The following CDH4 variants were observed in gnomAD, a reference collection of about 807,000 sequenced individuals.
The protein encoded by CDH4 is cadherin-4.
In CDH4, 33 loss-of-function variants were observed where a neutral mutation model predicts 86.0. The ratio of observed to expected loss-of-function variants is 0.38; its 90% confidence interval spans 0.29 to 0.51. CDH4 has a LOEUF of 0.51. Ranked by LOEUF, CDH4 falls within the 20% of genes least tolerant of loss-of-function variation. CDH4 has a pLI of 0.86. For missense variants in CDH4, 1,114 were observed against 1,307.4 expected (o/e 0.85, Z 2.28); for synonymous variants, 555 against 549.4 (o/e 1.01, Z -0.14).
intron 8 of CDH4, among the ~76,000 whole-genome samples, chr20:61,895,337 G>A (rs952387776): frequency 2.6e-5 from 4 of 152,254 alleles, no homozygotes; most frequent in African/African-American, 9.6e-5. Flanking sequence ...TACTGCCTGG[G>A]CTGATGTCAC....
rs567350462 is a variant in CDH4 at position 61,284,955 on chromosome 20, C to G, written c.169+30018C>G. The stretch of plus-strand genomic sequence containing the variant: ...AACTTTATTTACAACAGGCTGCAGC[C>G]AGATTGGGCCTTGAGCTGTGGTTTG... On this transcript the variant is annotated intron_variant, in intron 2 of 15. Coordinates refer to ENST00000614565, the MANE Select transcript of CDH4 (RefSeq NM_001794.5). Among the ~76,000 whole-genome samples the G allele has an allele frequency of 7.2e-5, 11 of 152,326 alleles. No homozygotes were observed. The East Asian group carries it at 1.7e-3, about 24-fold the overall frequency.
chr20:61,492,119 C>T (rs1272842513), intron 2 of CDH4, among the ~76,000 whole-genome samples: 3 of 134,554 alleles, frequency 2.2e-5, no homozygotes, highest in Middle Eastern at 5.3e-3. Context: ...TTGGTGGTGT[C>T]GATATTGTTA....
chr20:61,537,748 C>G (rs1386823551), intron 2 of CDH4, among the ~76,000 whole-genome samples: 2 of 152,166 alleles, frequency 1.3e-5, no homozygotes, highest in Non-Finnish European at 2.9e-5. Flanking sequence ...TGGGAGTTAA[C>G]AAGCCGGGTC....
In CDH4 at chr20:61,252,422, TCGGAGCGGCGGCGGTGGTCTCGGCGGC is replaced by T; in HGVS notation, c.-91_-65del. 2.0e-6 allele frequency: 1 copy of T among 497,950 alleles called. No homozygotes were observed. Among genetic ancestry groups the T allele is most frequent in the African/African-American group, 2.4e-5 (1 of 41,150 alleles). The allele number at this position is 497,950 out of a possible 1,614,324, so 30.8% of individuals were successfully genotyped here. Reference sequence around the variant, plus strand: ...GGGGGAGCGGCGGCGGCGGCGGCGATCGGAGCGGCGGCGGTGGTCTCGGCGGCGGCGGCGGCGGCGGCGGCAGGGAGC... The same window carrying T: ...GGGGGAGCGGCGGCGGCGGCGGCGATGGCGGCGGCGGCGGCGGCAGGGAGC... On this transcript the variant is annotated 5_prime_UTR_variant, in exon 1 of 16. The change creates a new upstream start codon in the 5' untranslated region. Transcript: ENST00000614565. The surrounding 1 kb of genome is among the most constrained non-coding windows in gnomAD (Gnocchi z 4.4).
rs772236837 is a variant in CDH4 at position 61,517,485 on chromosome 20, A to T, written c.170-226078A>T. On this transcript the variant is annotated intron_variant, in intron 2 of 15. Transcript: ENST00000614565. This position sits in a 1 kb window ranked among gnomAD's most constrained non-coding sequence, Gnocchi z 6.6. ...GCTGGGATTGCAGGTATGAGCCACCATGCCTGGCCTATAGACTTTTGTGTC... is the reference window on the plus strand; with the variant it reads ...GCTGGGATTGCAGGTATGAGCCACCTTGCCTGGCCTATAGACTTTTGTGTC... Among the ~76,000 whole-genome samples the T allele has an allele frequency of 4.6e-5, 7 of 152,178 alleles. No individual in the cohort carries two copies. The highest frequency in any genetic ancestry group is 1.0e-4 in the Non-Finnish European group (7 of 68,044).
chr20:61,367,973 C>G (rs774898517), intron 2 of CDH4, among the ~76,000 whole-genome samples: 1 of 149,104 alleles, frequency 6.7e-6, no homozygotes, highest in African/African-American at 2.5e-5. Flanking sequence ...TGGGTTCAAG[C>G]AATTCTCCTT....
chr20:61,689,258 T>C (rs369738880), intron 2 of CDH4, among the ~76,000 whole-genome samples: 2,342 of 48,800 alleles, frequency 0.048, 76 homozygotes, highest in East Asian at 0.18. Context: ...GATGTGGAAT[T>C]GGGCTGGGAC....
chr20:61,838,115 G>C (rs978061829), intron 4 of CDH4, among the ~76,000 whole-genome samples: 1 of 150,372 alleles, frequency 6.7e-6, no homozygotes, highest in East Asian at 2.0e-4. Context: ...TCCCTACGCA[G>C]CTGGGTGACT....
chr20:61,298,252 G>A (rs971168938), intron 2 of CDH4, among the ~76,000 whole-genome samples: 7 of 152,090 alleles, frequency 4.6e-5, no homozygotes, highest in East Asian at 3.9e-4. Context: ...TAAGCATCCC[G>A]GCCACCAGCT....
At chr20:61,449,407 G>T (rs2085368463) in intron 2 of CDH4, among the ~76,000 whole-genome samples, 1 of 152,206 alleles carries the variant, frequency 6.6e-6, no homozygotes, top group East Asian at 1.9e-4. Context: ...CTTCCCGGCA[G>T]CTCCACTCCC....
chr20:61,685,037 TACTC>T (rs972723324), intron 2 of CDH4, among the ~76,000 whole-genome samples: 5 of 152,144 alleles, frequency 3.3e-5, no homozygotes, highest in Non-Finnish European at 7.3e-5. Flanking sequence ...TTGTGCAACT[TACTC>T]ATCACCCAGC....
intron 2 of CDH4, among the ~76,000 whole-genome samples, chr20:61,595,840 G>A (rs1184978409): frequency 6.6e-6 from 1 of 152,212 alleles, no homozygotes; most frequent in Non-Finnish European, 1.5e-5. Flanking sequence ...AGGCTCCAGT[G>A]CTGACCTGAG....
At chr20:61,763,688 G>T (rs2088665427) in intron 3 of CDH4, among the ~76,000 whole-genome samples, 1 of 152,014 alleles carries the variant, frequency 6.6e-6, no homozygotes. Context: ...AGGCACTCTG[G>T]GAGTTTCTGC....
intron 2 of CDH4, among the ~76,000 whole-genome samples, chr20:61,294,220 C>T (rs752467010): frequency 3.4e-4 from 52 of 152,194 alleles, no homozygotes; most frequent in African/African-American, 1.1e-3. Flanking sequence ...GGGGTCTGCC[C>T]GTGACACCAG....
chr20:61,758,370 C>T (rs1408106442), intron 3 of CDH4, among the ~76,000 whole-genome samples: 4 of 152,196 alleles, frequency 2.6e-5, no homozygotes, highest in Admixed American at 6.5e-5. Context: ...GTGTGCTCTG[C>T]CTCGGGCCCT....
intron 2 of CDH4, among the ~76,000 whole-genome samples, chr20:61,471,957 A>T (rs2085506328): frequency 6.6e-6 from 1 of 152,128 alleles, no homozygotes; most frequent in Non-Finnish European, 1.5e-5. Context: ...TATGTTATGA[A>T]GAGAAGAATG....
chr20:61,437,236 G>C (rs541261661), intron 2 of CDH4: 1 of 152,274 alleles, frequency 6.6e-6, no homozygotes, highest in Non-Finnish European at 1.5e-5. Context: ...GAAATGACTC[G>C]TCTAGCAAGA....
At chr20:61,873,564 C>T (rs1048283953) in intron 6 of CDH4, among the ~76,000 whole-genome samples, 164 bp from the exon 7 acceptor site, 4 of 152,228 alleles carry the variant, frequency 2.6e-5, no homozygotes, top group African/African-American at 7.2e-5. Flanking sequence ...GGGGTGGAGG[C>T]GGCAGGTGCA....
intron 2 of CDH4, among the ~76,000 whole-genome samples, chr20:61,564,260 C>G (rs1260679325): frequency 2.0e-5 from 3 of 152,142 alleles, no homozygotes; most frequent in Admixed American, 6.5e-5. Flanking sequence ...GGAGGGGGCA[C>G]TGTTCACCCC....
Sources: gnomAD v4.1 joint callset for allele counts (sites outside exome capture counted in the v4.1 genomes callset) on GRCh38, gnomAD v4.1.1 for gene constraint, Gnocchi (gnomAD v3.1) non-coding constraint, MANE v1.5 for transcripts, NCBI Gene and HGNC (gene_info 2026-07-23, HGNC 2026-07-21) for gene names.